Variants in RBFOX1 observed in about 807,000 individuals in gnomAD.
RBFOX1 encodes the protein RNA binding fox-1 homolog 1.
RBFOX1 carries 8 observed loss-of-function variants against 57.7 expected under a neutral mutation model. That is an observed-to-expected ratio of 0.14 (90% confidence interval 0.08 to 0.25). RBFOX1 has a LOEUF of 0.25. Among genes scored for constraint, RBFOX1 ranks in the 10% least tolerant of loss-of-function variants. The pLI is 1.00. For synonymous variants in RBFOX1, 326 were observed against 222.4 expected, an observed-to-expected ratio of 1.47 and a Z score of -4.15; for missense variants, 611 against 548.5, an observed-to-expected ratio of 1.11 and a Z score of -1.14.
chr16:5,502,051 A>ATT (rs60410584), intron 2 of RBFOX1, among the ~76,000 whole-genome samples: 5 of 149,244 alleles, frequency 3.4e-5, no homozygotes, highest in Non-Finnish European at 5.9e-5. Context: ...TATTATTATT[A>ATT]ATTGTTATGA....
intron 3 of RBFOX1, among the ~76,000 whole-genome samples, chr16:5,765,293 C>G (rs1447790221): frequency 3.3e-5 from 5 of 152,140 alleles, no homozygotes. Flanking sequence ...CAGTCTAAGA[C>G]AACACTGTGG....
chr16:7,032,917 G>A (rs2043183864), intron 3 of RBFOX1, among the ~76,000 whole-genome samples: 1 of 152,136 alleles, frequency 6.6e-6, no homozygotes, highest in South Asian at 2.1e-4. Flanking sequence ...TTGGGAAGGA[G>A]GCTTTTCCTG....
chr16:7,450,977 C>A (rs1000697175), intron 4 of RBFOX1, among the ~76,000 whole-genome samples: 5 of 152,174 alleles, frequency 3.3e-5, no homozygotes, highest in African/African-American at 1.2e-4. Flanking sequence ...GAAGTGGCTG[C>A]CTCCTTCAAT....
chr16:6,573,473 G>A (rs1252117333), intron 2 of RBFOX1, among the ~76,000 whole-genome samples: 2 of 152,180 alleles, frequency 1.3e-5, no homozygotes, highest in Non-Finnish European at 2.9e-5. Context: ...CAGGGAGCCT[G>A]CTGTCACTCA....
chr16:5,259,772 C>A (rs567072976), intron 1 of RBFOX1, among the ~76,000 whole-genome samples: 1 of 152,188 alleles, frequency 6.6e-6, no homozygotes, highest in South Asian at 2.1e-4. Context: ...ATCAGCAGAG[C>A]TGCCAAAAGC....
chr16:7,420,090 G>T (rs963660720), intron 4 of RBFOX1, among the ~76,000 whole-genome samples: 12 of 151,980 alleles, frequency 7.9e-5, no homozygotes, highest in African/African-American at 2.7e-4. Flanking sequence ...TTTGTTGTCA[G>T]CCTTCCTGTT....
intron 1 of RBFOX1, among the ~76,000 whole-genome samples, chr16:5,277,103 A>G (rs974780545): frequency 6.6e-6 from 1 of 152,224 alleles, no homozygotes; most frequent in African/African-American, 2.4e-5. Context: ...ATATATATAT[A>G]TACCATAGAA....
chr16:7,433,257 G>T (rs1441407203), intron 4 of RBFOX1, among the ~76,000 whole-genome samples: 1 of 152,174 alleles, frequency 6.6e-6, no homozygotes, highest in Non-Finnish European at 1.5e-5. Context: ...CACATAGTGG[G>T]CAGAGACGGT....
At chr16:7,596,076 A>C (rs1211755096) in intron 8 of RBFOX1, among the ~76,000 whole-genome samples, 1 of 112,128 alleles carries the variant, frequency 8.9e-6, no homozygotes, top group East Asian at 2.3e-4. Context: ...GAAAGCAAAA[A>C]AGATTGTTTT....
At chr16:6,485,546 C>T (rs955038446) in intron 2 of RBFOX1, among the ~76,000 whole-genome samples, 4 of 152,228 alleles carry the variant, frequency 2.6e-5, no homozygotes, top group African/African-American at 7.2e-5. Flanking sequence ...GTTTTTCTTT[C>T]TTTCTTTCAG....
intron 4 of RBFOX1, among the ~76,000 whole-genome samples, chr16:7,122,688 T>C (rs9935185): frequency 0.66 from 99,731 of 151,972 alleles, 33,166 homozygotes; most frequent in East Asian, 0.88. Context: ...AGTATATGCT[T>C]ATCATAGAGC....
intron 2 of RBFOX1, among the ~76,000 whole-genome samples, chr16:5,499,949 T>C (rs2043129652): frequency 6.6e-6 from 1 of 152,208 alleles, no homozygotes; most frequent in Admixed American, 6.5e-5. Flanking sequence ...TCAGCAGATA[T>C]TTATTTCGTA....
intron 4 of RBFOX1, among the ~76,000 whole-genome samples, chr16:7,392,396 A>G (rs1214559814): frequency 2.6e-5 from 4 of 152,176 alleles, no homozygotes; most frequent in Admixed American, 2.6e-4. Context: ...TACTTGAGGA[A>G]ATGCCTTGGT....
intron 2 of RBFOX1, among the ~76,000 whole-genome samples, chr16:6,370,083 G>A (rs543748261): frequency 2.6e-4 from 40 of 152,234 alleles, no homozygotes; most frequent in Non-Finnish European, 5.0e-4. Context: ...GCTGGGCCGG[G>A]TGCGGTGGCT....
intron 1 of RBFOX1, among the ~76,000 whole-genome samples, chr16:6,184,276 G>A (rs1229612456): frequency 6.6e-6 from 1 of 152,168 alleles, no homozygotes; most frequent in Non-Finnish European, 1.5e-5. Flanking sequence ...ATCAGAGGAT[G>A]TTGAGCACAT....
intron 4 of RBFOX1, among the ~76,000 whole-genome samples, chr16:7,238,176 G>T (rs1011151727): frequency 6.6e-6 from 1 of 152,126 alleles, no homozygotes; most frequent in Admixed American, 6.5e-5. Flanking sequence ...CGTTACCAAG[G>T]GCTGGGAGAA....
intron 3 of RBFOX1, among the ~76,000 whole-genome samples, chr16:6,768,921 G>T (rs1217545077): frequency 1.3e-5 from 2 of 151,952 alleles, no homozygotes; most frequent in African/African-American, 4.8e-5. Flanking sequence ...GAGAGATGGG[G>T]TTTCACCATG....
intron 3 of RBFOX1, among the ~76,000 whole-genome samples, chr16:6,687,177 G>T (rs1251706965): frequency 6.6e-6 from 1 of 152,090 alleles, no homozygotes; most frequent in Non-Finnish European, 1.5e-5. Flanking sequence ...TGAATTCTTG[G>T]TTTTAACATC....
At chr16:5,704,066 C>T (rs979945212) in intron 3 of RBFOX1, among the ~76,000 whole-genome samples, 1 of 152,042 alleles carries the variant, frequency 6.6e-6, no homozygotes, top group African/African-American at 2.4e-5. Flanking sequence ...GTGAGGTTTC[C>T]AGGTTCTTAT....
Sources: allele counts gnomAD v4.1 joint callset (sites outside exome capture counted in the v4.1 genomes callset), GRCh38; gene constraint gnomAD v4.1.1; transcripts MANE v1.5; gene names NCBI Gene and HGNC (gene_info 2026-07-23, HGNC 2026-07-21).